Variants in RAPGEF2 observed in about 807,000 individuals in gnomAD.
The protein encoded by RAPGEF2 is PDZ domain containing guanine nucleotide exchange factor (GEF) 1.
RAPGEF2 carries 54 observed loss-of-function variants against 186.7 expected under a neutral mutation model. The observed-to-expected ratio is 0.29, with a 90% CI of 0.23 to 0.36. The LOEUF is 0.36. RAPGEF2 is among the 10% of genes least tolerant of loss of function. The pLI is 1.00. For missense variants in RAPGEF2, 1,532 were observed against 2,045.0 expected (o/e 0.75, Z 4.84); for synonymous variants, 712 against 705.9 (o/e 1.01, Z -0.14).
rs2111250169 is a variant in RAPGEF2 at position 159,339,329 on chromosome 4, G to T, written c.2509G>T (p.Ala837Ser). 1 of 1,614,022 alleles carries T rather than the reference G, an allele frequency of 6.2e-7. No homozygotes were observed. The highest frequency in any genetic ancestry group is 2.2e-5 in the East Asian group (1 of 44,884). Residue 837 changes from alanine (A) to serine (S), a missense_variant, in exon 19 of 30, where the codon GCA (alanine) becomes TCA (serine). Physicochemically the swap from Ala to Ser is moderately conservative, Grantham distance 99. This residue lies in a region of RAPGEF2 where 810 missense variants were observed against 1,210.5 expected (regional missense o/e 0.67). Transcript: ENST00000691494. ...ACTTCCAGATCAGCTTTCCAAACTT[G>T]CAGACAGAATACAACTGAGTGGAAG... ...RRLPDQLSKL[A>S]DRIQLSGRYY...
intron 5 of RAPGEF2, 57 bp downstream of exon 5, chr4:159,238,941 C>A: frequency 1.7e-6 from 2 of 1,182,496 alleles, no homozygotes; most frequent in South Asian, 1.9e-5. Flanking sequence ...GAAATAAAGG[C>A]ATTTTTATAA....
At chr4:159,356,261 T>A in intron 29 of RAPGEF2, 103 bp downstream of exon 29, 1 of 1,205,624 alleles carries the variant, frequency 8.3e-7, no homozygotes, top group Non-Finnish European at 1.2e-6. Flanking sequence ...CAGCTATGTC[T>A]AACCATATAC....
intron 7 of RAPGEF2, among the ~76,000 whole-genome samples, chr4:159,260,624 A>G (rs558022745): frequency 6.6e-6 from 1 of 152,360 alleles, no homozygotes; most frequent in South Asian, 2.1e-4. Context: ...TTTTTAAATT[A>G]CAATTAGCAC....
chr4:159,340,779 CCACACACACACACACACACACACA>C (rs10562531), intron 19 of RAPGEF2, among the ~76,000 whole-genome samples: 4 of 106,098 alleles, frequency 3.8e-5, no homozygotes, highest in Non-Finnish European at 5.9e-5. Flanking sequence ...ACCACCATCA[CCACACACACACACACACACACACA>C]CACACACACA....
At chr4:159,292,202 G>A (rs1033973873) in intron 7 of RAPGEF2, among the ~76,000 whole-genome samples, 2 of 152,062 alleles carry the variant, frequency 1.3e-5, no homozygotes, top group Admixed American at 6.5e-5. Flanking sequence ...AGCTCCCCAC[G>A]TGATTTCACC....
At chr4:159,134,580 A>AT (rs1314511719) in intron 1 of RAPGEF2, among the ~76,000 whole-genome samples, 1 of 152,146 alleles carries the variant, frequency 6.6e-6, no homozygotes, top group Admixed American at 6.5e-5. Flanking sequence ...GCTATATTGT[A>AT]TTTTATTTCT....
chr4:159,218,750 T>TC (rs1472866710), intron 4 of RAPGEF2, among the ~76,000 whole-genome samples: 4 of 151,646 alleles, frequency 2.6e-5, no homozygotes, highest in Non-Finnish European at 5.9e-5. Flanking sequence ...AGAGCGAGAC[T>TC]CCATCTAAAA....
chr4:159,161,775 A>G lies in RAPGEF2; in HGVS notation c.70-24867A>G, dbSNP rs957700029. On this transcript the variant is annotated intron_variant, in intron 1 of 29. Transcript: ENST00000691494. Reference sequence around the variant, plus strand: ...TTATGATAGTTAATCACAGCCAAACATAATTGCTTATCTTCATACATATTA... The same window carrying G: ...TTATGATAGTTAATCACAGCCAAACGTAATTGCTTATCTTCATACATATTA... 4.6e-5 allele frequency among the ~76,000 whole-genome samples: 7 copies of G among 152,348 alleles called. 1 individual carries two copies. Among genetic ancestry groups the G allele is most frequent in the Middle Eastern group, 6.8e-3 (2 of 294 alleles).
chr4:159,277,258 A>G (rs967357826), intron 7 of RAPGEF2, among the ~76,000 whole-genome samples: 15 of 152,128 alleles, frequency 9.9e-5, no homozygotes, highest in Non-Finnish European at 1.9e-4. Flanking sequence ...TGAACTCATC[A>G]TTTTTTATGG....
chr4:159,331,809 A>G lies in RAPGEF2; in HGVS notation c.1755A>G (p.Glu585=). The G allele has an allele frequency of 8.7e-6, 14 of 1,613,522 alleles. No homozygotes were observed. Among genetic ancestry groups the G allele is most frequent in the Non-Finnish European group, 1.2e-5 (14 of 1,179,814 alleles). The part of the protein sequence containing the change: ...DSVDSGSKAT[E]AGLKRGDQIL... ...TAGATTCAGGTAGCAAAGCAACTGA[A>G]GCAGGCTTGAAACGGGGGGATCAGG... Residue 585 remains glutamate, a synonymous_variant, in exon 15 of 30, where the codon GAA becomes GAG. Transcript: ENST00000691494.
At chr4:159,286,749 G>A (rs964629133) in intron 7 of RAPGEF2, among the ~76,000 whole-genome samples, 2 of 152,138 alleles carry the variant, frequency 1.3e-5, no homozygotes, top group African/African-American at 4.8e-5. Flanking sequence ...TTACCTGGCT[G>A]GCTTCATGAC....
At chr4:159,178,576 G>A (rs1314956745) in intron 1 of RAPGEF2, among the ~76,000 whole-genome samples, 10 of 7,554 alleles carry the variant, frequency 1.3e-3, no homozygotes, top group Non-Finnish European at 2.7e-3. Flanking sequence ...TTTTTTTTTT[G>A]AGACGGAGTC....
At chr4:159,219,726 A>T (rs1309824322) in intron 4 of RAPGEF2, among the ~76,000 whole-genome samples, 9 of 152,166 alleles carry the variant, frequency 5.9e-5, no homozygotes, top group Non-Finnish European at 1.2e-4. Flanking sequence ...ACCAGAACTG[A>T]TTTCTAAAAT....
At chr4:159,181,907 G>A (rs548081924) in intron 1 of RAPGEF2, among the ~76,000 whole-genome samples, 1 of 152,104 alleles carries the variant, frequency 6.6e-6, no homozygotes, top group African/African-American at 2.4e-5. Flanking sequence ...AAACAAGAAT[G>A]GTGAACTTTA....
intron 1 of RAPGEF2, among the ~76,000 whole-genome samples, chr4:159,150,763 G>A (rs147437960): frequency 1.3e-5 from 2 of 152,322 alleles, no homozygotes; most frequent in Non-Finnish European, 2.9e-5. Context: ...TAGCAAGTAG[G>A]CAAATTCACG....
At position 159,330,043 on chromosome 4, in the gene RAPGEF2, G is replaced by C. The variant is rs746481737; in HGVS notation, c.1302+33G>C. On this transcript the variant is annotated intron_variant, in intron 12 of 29. Transcript: ENST00000691494. ...ACAGGACCACTCCTTCCCAAGGAAAGGAATTTTTTTTGGTAGTATTGGTTG... is the reference window on the plus strand; with the variant it reads ...ACAGGACCACTCCTTCCCAAGGAAACGAATTTTTTTTGGTAGTATTGGTTG... The C allele has an allele frequency of 7.6e-6, 12 of 1,571,112 alleles. No homozygotes were observed. The Admixed American group carries it at 2.2e-4, about 29-fold the overall frequency.
chr4:159,110,117 C>T (rs1008701145), intron 1 of RAPGEF2, among the ~76,000 whole-genome samples: 2 of 152,082 alleles, frequency 1.3e-5, no homozygotes, highest in Admixed American at 1.3e-4. Flanking sequence ...CCAGTGCAGC[C>T]TAATTATGGC....
chr4:159,322,122 A>G (rs1048881895), intron 9 of RAPGEF2, among the ~76,000 whole-genome samples: 1 of 152,220 alleles, frequency 6.6e-6, no homozygotes, highest in Non-Finnish European at 1.5e-5. Context: ...GTTACAATAA[A>G]AACTGTTGCC....
intron 17 of RAPGEF2, among the ~76,000 whole-genome samples, chr4:159,337,952 A>G (rs986855374): frequency 6.6e-6 from 1 of 150,708 alleles, no homozygotes; most frequent in Non-Finnish European, 1.5e-5. Context: ...CATACTATAC[A>G]CTTAAGAAAC....
Sources: gnomAD v4.1 joint callset for allele counts (sites outside exome capture counted in the v4.1 genomes callset) on GRCh38, gnomAD v4.1.1 for gene constraint, gnomAD v4.1.1 regional missense constraint, MANE v1.5 for transcripts, NCBI Gene and HGNC (gene_info 2026-07-23, HGNC 2026-07-21) for gene names.